C3: variants seen among roughly 807,000 people sequenced by gnomAD.
C3 encodes the protein complement C3.
A neutral mutation model predicts 207.9 loss-of-function variants in C3; 97 were observed. The observed-to-expected ratio is 0.47, with a 90% CI of 0.40 to 0.55. The LOEUF (loss-of-function observed/expected upper bound fraction) is 0.55, where lower values mean the gene tolerates loss of function less well. Among genes scored for constraint, C3 ranks in the 20% least tolerant of loss-of-function variants. The pLI, the probability that C3 is intolerant of heterozygous loss-of-function variation, is 0.00. For synonymous variants in C3, 848 were observed against 857.6 expected (o/e 0.99, Z 0.20); for missense variants, 1,684 against 2,171.7 (o/e 0.78, Z 4.46).
intron 4 of C3, chr19:6,716,912 TAAAG>T (rs1386775623): frequency 6.6e-6 from 1 of 152,072 alleles, no homozygotes; most frequent in Non-Finnish European, 1.5e-5. Context: ...AGCAAAGACT[TAAAG>T]GAGGAGAGAG....
chr19:6,692,862 G>A lies in C3; in HGVS notation c.3390+62C>T, dbSNP rs987382024. 5 of 1,579,910 alleles carry A rather than the reference G, an allele frequency of 3.2e-6. No individual in the cohort carries two copies. The African/African-American group carries it at 4.0e-5, about 13-fold the overall frequency. On this transcript the variant is annotated intron_variant, in intron 26 of 40. Coordinates refer to ENST00000245907, the MANE Select transcript of C3 (RefSeq NM_000064.4). ...ACATGGAGGTGGGGCTCTCTCTCGT[G>A]TTCATCCTGCGAGACTCAGGAGCCC... is the stretch of plus-strand genomic sequence containing the variant.
In C3 at chr19:6,718,179, A is replaced by G. The variant is rs752858261; in HGVS notation, c.434-15T>C. ...CCGATAGAGAACTGGGGAGAGACAAAGAGGCCTCGTGAGACCCTAGCCCGC... is the reference window on the plus strand; with the variant it reads ...CCGATAGAGAACTGGGGAGAGACAAGGAGGCCTCGTGAGACCCTAGCCCGC... On this transcript the variant is annotated splice_polypyrimidine_tract_variant and intron_variant, in intron 3 of 40. Transcript: ENST00000245907. 8 of 1,614,028 alleles carry G rather than the reference A, an allele frequency of 5.0e-6. No homozygotes were observed. The highest frequency in any genetic ancestry group is 5.1e-6 in the Non-Finnish European group (6 of 1,180,022).
rs375973477 is a variant in C3, at chr19:6,702,247, T to C, written c.2355-35A>G. ...GAAGAGGTTGGGGTATTAGGAGATGTCATCTAGCAGGGTGGTAGAGGGGAA... is the reference window on the plus strand; with the variant it reads ...GAAGAGGTTGGGGTATTAGGAGATGCCATCTAGCAGGGTGGTAGAGGGGAA... On this transcript the variant is annotated intron_variant, in intron 18 of 40. Coordinates refer to ENST00000245907, the MANE Select transcript of C3 (RefSeq NM_000064.4). 6 of 1,346,878 alleles carry C rather than the reference T, an allele frequency of 4.5e-6. No homozygotes were observed. In the African/African-American group the frequency reaches 7.2e-5, roughly 16 times the overall value. 83.4% of individuals were successfully genotyped at this position (1,346,878 alleles called of 1,614,324 possible).
At chr19:6,705,248 C>G (rs1266908636) in intron 17 of C3, among the ~76,000 whole-genome samples, 1 of 152,168 alleles carries the variant, frequency 6.6e-6, no homozygotes, top group Non-Finnish European at 1.5e-5. Flanking sequence ...GTCTAATTTT[C>G]CCAGTGACCC....
chr19:6,689,315 CTCTCTCTA>C (rs1248781075), intron 27 of C3, among the ~76,000 whole-genome samples: 8 of 126,636 alleles, frequency 6.3e-5, no homozygotes, highest in African/African-American at 2.2e-4. Flanking sequence ...CTCTCTCTCT[CTCTCTCTA>C]CCTACCTCCC....
chr19:6,685,673 A>C (rs1917985822), intron 29 of C3, among the ~76,000 whole-genome samples: 1 of 152,196 alleles, frequency 6.6e-6, no homozygotes, highest in Non-Finnish European at 1.5e-5. Flanking sequence ...ATGGCCTAGA[A>C]GAGGGTTTGC....
intron 19 of C3, among the ~76,000 whole-genome samples, chr19:6,698,941 C>T (rs1466391604): frequency 6.6e-6 from 1 of 151,794 alleles, no homozygotes; most frequent in Non-Finnish European, 1.5e-5. Context: ...ATTACAGGCA[C>T]CCACCCGCAT....
In C3 at chr19:6,714,429, C is replaced by A. The variant is rs376520694; in HGVS notation, c.522G>T (p.Pro174=). The part of the protein sequence containing the change: ...MVNIENPEGI[P]VKQDSLSSQN... Reference sequence around the variant, plus strand: ...GAGAAGACAAGGAGTCCTGCTTGACCGGGATGCCTTCCGGGTTCTGTGGGA... The same window carrying A: ...GAGAAGACAAGGAGTCCTGCTTGACAGGGATGCCTTCCGGGTTCTGTGGGA... The change falls in exon 5 of 41, where the codon CCG becomes CCT. Residue 174 remains proline (P), a synonymous_variant. Coordinates refer to ENST00000245907, the MANE Select transcript of C3 (RefSeq NM_000064.4). 86 of 1,613,456 alleles carry A rather than the reference C, an allele frequency of 5.3e-5. No homozygotes were observed. The highest frequency in any genetic ancestry group is 6.6e-5 in the Non-Finnish European group (78 of 1,179,866).
At chr19:6,688,187 A>AG (rs1382626096) in intron 27 of C3, among the ~76,000 whole-genome samples, 8 of 138,558 alleles carry the variant, frequency 5.8e-5, no homozygotes, top group East Asian at 4.8e-4. Flanking sequence ...GCTGGAGTGC[A>AG]TGGCGCAATC....
At chr19:6,707,963 A>G in intron 14 of C3, 34 bp from the exon 15 acceptor site, 1 of 1,611,380 alleles carries the variant, frequency 6.2e-7, no homozygotes, top group Non-Finnish European at 8.5e-7. Context: ...GGACGCAGGG[A>G]GGCCAGGCTG....
At chr19:6,683,858 C>T (rs1411283045) in intron 33 of C3, among the ~76,000 whole-genome samples, 3 of 152,208 alleles carry the variant, frequency 2.0e-5, no homozygotes, top group Admixed American at 1.3e-4. Flanking sequence ...ACTTTGGCAG[C>T]CCAAGGCAGA....
At chr19:6,717,785 G>GTGT (rs1968070446) in intron 4 of C3, 1 of 527,404 alleles carries the variant, frequency 1.9e-6, no homozygotes, top group Non-Finnish European at 3.5e-6. Context: ...GTATTGTGTT[G>GTGT]TGTGTTGTGT....
intron 16 of C3, 31 bp downstream of exon 16, chr19:6,707,434 CG>C (rs1568223042): frequency 6.2e-7 from 1 of 1,611,914 alleles, no homozygotes; most frequent in East Asian, 2.2e-5. Context: ...GGGTGGGGCT[CG>C]GGGGCAGGAG....
chr19:6,710,582 G>C, intron 13 of C3, 57 bp downstream of exon 13: 1 of 1,340,194 alleles, frequency 7.5e-7, no homozygotes, highest in Non-Finnish European at 1.1e-6. Flanking sequence ...GGGAGAGAGA[G>C]AGAGAGAGAG....
chr19:6,699,910 A>G (rs1967607915), intron 19 of C3, among the ~76,000 whole-genome samples: 1 of 150,490 alleles, frequency 6.6e-6, no homozygotes, highest in Non-Finnish European at 1.5e-5. Flanking sequence ...ATAAGTTATG[A>G]TATGGTATAA....
At chr19:6,718,434 T>C in intron 2 of C3, 22 bp from the exon 3 acceptor site, 3 of 1,614,142 alleles carry the variant, frequency 1.9e-6, no homozygotes, top group Middle Eastern at 1.6e-4. Context: ...CAGGGCATTG[T>C]CAGGGGTCTG....
chr19:6,707,745 T>A, intron 15 of C3, 55 bp downstream of exon 15: 1 of 1,606,622 alleles, frequency 6.2e-7, no homozygotes, highest in Non-Finnish European at 8.5e-7. Context: ...GCTCCCAGCA[T>A]CTGGGAGGTG....
At chr19:6,695,534 C>T (rs1474928526) in intron 23 of C3, among the ~76,000 whole-genome samples, 1 of 152,084 alleles carries the variant, frequency 6.6e-6, no homozygotes, top group Non-Finnish European at 1.5e-5. Flanking sequence ...GGCTGGAGTG[C>T]AGTGGCCTGA....
At chr19:6,683,010 AG>A (rs1382653780) in intron 33 of C3, 1 of 152,732 alleles carries the variant, frequency 6.5e-6, no homozygotes, top group Non-Finnish European at 1.5e-5. Flanking sequence ...TTTGAGAGAT[AG>A]GTAGTGTAGA....
Sources: gnomAD v4.1 joint callset for allele counts (sites outside exome capture counted in the v4.1 genomes callset) on GRCh38, gnomAD v4.1.1 for gene constraint, MANE v1.5 for transcripts, NCBI Gene and HGNC (gene_info 2026-07-23, HGNC 2026-07-21) for gene names.